The following DOCK9 variants were observed in gnomAD, a reference collection of about 807,000 sequenced individuals.
DOCK9 encodes the protein dedicator of cytokinesis protein 9.
Under a neutral mutation model 263.3 loss-of-function variants are expected in DOCK9, and 89 were observed. The ratio of observed to expected loss-of-function variants is 0.34; its 90% CI spans 0.28 to 0.40. DOCK9 has a LOEUF of 0.40. DOCK9 is among the 10% of genes least tolerant of loss of function. The pLI, the probability that DOCK9 is intolerant of heterozygous loss-of-function variation, is 1.00. For synonymous variants in DOCK9, 976 were observed against 973.1 expected (o/e 1.00, Z -0.06); for missense variants, 2,140 against 2,603.4 (o/e 0.82, Z 3.87).
In DOCK9 at chr13:98,829,291, C is replaced by T. The variant is rs1224929541; in HGVS notation, c.4965+16G>A. 4 of 1,602,670 alleles carry T rather than the reference C, an allele frequency of 2.5e-6. No individual in the cohort carries two copies. The highest frequency in any genetic ancestry group is 2.7e-5 in the African/African-American group (2 of 74,842). ...TTTTTTCAAAAACCCATTCAAGCGG[C>T]TGGCAGGGCTACTACCTCTGAGAGA... is the stretch of plus-strand genomic sequence containing the variant. On this transcript the variant is annotated intron_variant, in intron 43 of 52. Coordinates refer to ENST00000682017, the MANE Select transcript of DOCK9 (RefSeq NM_001366683.2). This position sits in a 1 kb window ranked among gnomAD's most constrained non-coding sequence, Gnocchi z 4.1.
intron 45 of DOCK9, among the ~76,000 whole-genome samples, chr13:98,817,451 C>CTTTTTTTT (rs10683281): frequency 0.016 from 1,567 of 97,398 alleles, 281 homozygotes; most frequent in African/African-American, 0.055. Flanking sequence ...ATACACCCAG[C>CTTTTTTTT]TTTTTTTTTT....
intron 1 of DOCK9, among the ~76,000 whole-genome samples, chr13:99,051,246 CTG>C (rs1389434578): frequency 1.3e-5 from 2 of 152,206 alleles, no homozygotes; most frequent in Non-Finnish European, 2.9e-5. Context: ...TCCTTTGACA[CTG>C]TGAGCTCTTC....
rs1337636973 is a variant in DOCK9, at chr13:98,825,840, TC to T, written c.5023+989del. 7 of 1,442,688 alleles carry T rather than the reference TC, an allele frequency of 4.9e-6. No individual in the cohort carries two copies. The highest frequency in any genetic ancestry group is 3.0e-5 in the South Asian group (2 of 66,608). 89.4% of individuals were successfully genotyped at this position (1,442,688 alleles called of 1,614,324 possible). Reference sequence around the variant, plus strand: ...GAGGGCACGTGACCAGGGCAGGGGGTCCCCGGGGGCTGGGCTGATCCTCAGG... The same window carrying T: ...GAGGGCACGTGACCAGGGCAGGGGGTCCCGGGGGCTGGGCTGATCCTCAGG... On this transcript the variant is annotated intron_variant, in intron 44 of 52. Coordinates refer to ENST00000682017, the MANE Select transcript of DOCK9 (RefSeq NM_001366683.2). This position sits in a 1 kb window ranked among gnomAD's most constrained non-coding sequence, Gnocchi z 4.1.
At chr13:98,922,256 C>T (rs2052155401) in intron 5 of DOCK9, 110 bp from the exon 6 acceptor site, 2 of 724,528 alleles carry the variant, frequency 2.8e-6, no homozygotes. Context: ...TTGTCCATTG[C>T]CCCTTTACTG....
At chr13:98,836,328 T>C (rs1361145257) in intron 39 of DOCK9, among the ~76,000 whole-genome samples, 1 of 152,208 alleles carries the variant, frequency 6.6e-6, no homozygotes, top group Non-Finnish European at 1.5e-5. Flanking sequence ...ATATTCACTT[T>C]TAAAACCTTC....
chr13:98,839,607 T>C (rs1195080454), intron 38 of DOCK9, among the ~76,000 whole-genome samples: 1 of 152,250 alleles, frequency 6.6e-6, no homozygotes, highest in Admixed American at 6.5e-5. Context: ...AATTCCTTTC[T>C]CTGCAAAGAA....
chr13:98,914,278 C>T, intron 9 of DOCK9, 50 bp downstream of exon 9: 1 of 1,457,574 alleles, frequency 6.9e-7, no homozygotes, highest in Non-Finnish European at 9.5e-7. Context: ...TGAAATGAGA[C>T]ATACTTCAAC....
At chr13:98,901,279 A>G (rs1316210052) in intron 13 of DOCK9, among the ~76,000 whole-genome samples, 1 of 152,174 alleles carries the variant, frequency 6.6e-6, no homozygotes, top group Admixed American at 6.5e-5. Flanking sequence ...AACATACATC[A>G]TGTATGTTTT....
chr13:98,830,497 C>A (rs2092716304), intron 41 of DOCK9, among the ~76,000 whole-genome samples: 1 of 152,208 alleles, frequency 6.6e-6, no homozygotes, highest in South Asian at 2.1e-4. Context: ...GATATGCCAC[C>A]ATGGGTCCTC....
chr13:98,935,311 C>A (rs767558191), intron 2 of DOCK9, among the ~76,000 whole-genome samples: 2 of 152,066 alleles, frequency 1.3e-5, no homozygotes, highest in African/African-American at 2.4e-5. Flanking sequence ...TCCATTAAGT[C>A]CTAGAACTAA....
At position 98,917,524 on chromosome 13, in the gene DOCK9, G is replaced by A. The variant is rs1595293676; in HGVS notation, c.718-2021C>T. The stretch of plus-strand genomic sequence containing the variant: ...GGTGGCCTTCAGAGAAGGCTGAATT[G>A]CCAGCTAAGAGACATCCACATTAGC... On this transcript the variant is annotated intron_variant, in intron 7 of 52. Coordinates refer to ENST00000682017, the MANE Select transcript of DOCK9 (RefSeq NM_001366683.2). Among the ~76,000 whole-genome samples, 4 of 152,234 alleles carry A rather than the reference G, an allele frequency of 2.6e-5. No homozygotes were observed. In the South Asian group the frequency reaches 6.2e-4, roughly 24 times the overall value.
intron 12 of DOCK9, 97 bp downstream of exon 12, chr13:98,902,191 T>C (rs1173949367): frequency 8.5e-6 from 11 of 1,296,962 alleles, no homozygotes; most frequent in African/African-American, 7.4e-5. Flanking sequence ...ATGACCCCAC[T>C]TGTGCATTAC....
At chr13:98,987,568 C>A (rs1174265655) in intron 1 of DOCK9, among the ~76,000 whole-genome samples, 3 of 152,204 alleles carry the variant, frequency 2.0e-5, no homozygotes, top group East Asian at 3.8e-4. Context: ...CAGACACGCT[C>A]TTCCATTTAG....
At chr13:98,802,812 GGAA>G (rs1167960498) in intron 49 of DOCK9, among the ~76,000 whole-genome samples, 1 of 152,152 alleles carries the variant, frequency 6.6e-6, no homozygotes, top group African/African-American at 2.4e-5. Flanking sequence ...GCAATGCAAT[GGAA>G]GAAGAACCTG....
At chr13:98,880,479 G>C in intron 26 of DOCK9, 68 bp downstream of exon 26, 1 of 1,599,496 alleles carries the variant, frequency 6.3e-7, no homozygotes, top group South Asian at 1.1e-5. Flanking sequence ...AGGCTGTATT[G>C]ATCAGGCTGT....
chr13:98,995,485 C>CT (rs140398881), intron 1 of DOCK9, among the ~76,000 whole-genome samples: 11,619 of 121,262 alleles, frequency 0.096, 1,022 homozygotes, highest in East Asian at 0.22. Flanking sequence ...GAGGAAGATA[C>CT]TTTTTTTTTT....
In DOCK9 at chr13:98,794,721, C is replaced by T. The variant is rs752162002; in HGVS notation, c.6184G>A (p.Val2062Ile). The T allele has an allele frequency of 2.9e-5, 47 of 1,613,824 alleles. No individual in the cohort carries two copies. Among genetic ancestry groups the T allele is most frequent in the African/African-American group, 1.9e-4 (14 of 74,918 alleles). ...QICPLEEKTS[V>I]LPNSLHIFNA... is the part of the protein sequence containing the mutation. ...AAGATGTGAAGGGAATTCGGTAAGA[C>T]GCTCGTCTTCTCCTCCAGGGGGCAG... The change falls in exon 53 of 53, where the codon GTC (valine) becomes ATC (isoleucine). Residue 2062 changes from valine to isoleucine, a missense_variant. This residue lies in a region of DOCK9 where 619 missense variants were observed against 861.8 expected (regional missense o/e 0.72). Coordinates refer to ENST00000682017, the MANE Select transcript of DOCK9 (RefSeq NM_001366683.2).
At chr13:98,823,859 G>A in intron 45 of DOCK9, among the ~76,000 whole-genome samples, 1 of 152,298 alleles carries the variant, frequency 6.6e-6, no homozygotes, top group East Asian at 1.9e-4. Context: ...GTCTCTGTAG[G>A]GGGTGCGACA....
In DOCK9 at chr13:98,903,607, AAAAAAAAAAAAAGAC is replaced by A. The variant is rs1414063938; in HGVS notation, c.1036-510_1036-496del. ...AGAGCAAGACTCTGCCTCAAAAAAA[AAAAAAAAAAAAAGAC>A]AAAAAAAAAAAGACATGATGGTATA... On this transcript the variant is annotated intron_variant, in intron 10 of 52. Transcript: ENST00000682017. 2.1e-3 allele frequency among the ~76,000 whole-genome samples: 208 copies of A among 96,854 alleles called. 6 individuals are homozygous for A. The South Asian group carries it at 0.061, about 29-fold the overall frequency. 63.5% of individuals were successfully genotyped at this position (96,854 alleles called of 152,430 possible). A position where few individuals can be genotyped will look rare whatever the true frequency, so the allele number is the denominator to read the frequency against.
Sources: allele counts gnomAD v4.1 joint callset (sites outside exome capture counted in the v4.1 genomes callset), GRCh38; gene constraint gnomAD v4.1.1; regional missense constraint gnomAD v4.1.1; non-coding constraint Gnocchi (gnomAD v3.1); transcripts MANE v1.5; gene names NCBI Gene and HGNC (gene_info 2026-07-23, HGNC 2026-07-21).